Variants in ABCA13 observed in about 807,000 individuals in gnomAD.
ABCA13 encodes the protein ATP-binding cassette sub-family A member 13.
ABCA13 carries 476 observed loss-of-function variants against 478.7 expected under a neutral mutation model. The ratio of observed to expected loss-of-function variants is 0.99; its 90% CI spans 0.92 to 1.07. The LOEUF is 1.07. Among genes scored for constraint, ABCA13 ranks in the 50% least tolerant of loss-of-function variants. ABCA13 has a pLI of 0.00. For synonymous variants in ABCA13, 2,252 were observed against 2,158.9 expected (o/e 1.04, Z -1.20); for missense variants, 6,060 against 5,910.6 (o/e 1.03, Z -0.83).
chr7:48,375,257 A>G (rs1466502352), intron 34 of ABCA13, among the ~76,000 whole-genome samples: 1 of 152,180 alleles, frequency 6.6e-6, no homozygotes, highest in Non-Finnish European at 1.5e-5. Flanking sequence ...GGTCCCTGGT[A>G]CCAAAAAGGT....
intron 42 of ABCA13, among the ~76,000 whole-genome samples, chr7:48,444,536 G>C (rs932766977): frequency 3.3e-5 from 5 of 152,150 alleles, no homozygotes; most frequent in South Asian, 2.1e-4. Flanking sequence ...TTTCCCCTGA[G>C]TACTTGTCTT....
intron 24 of ABCA13, among the ~76,000 whole-genome samples, chr7:48,312,497 A>G (rs1025837841): frequency 6.6e-5 from 10 of 152,226 alleles, no homozygotes; most frequent in African/African-American, 2.4e-4. Flanking sequence ...TGATAGCATA[A>G]GTAAGCTTCA....
intron 8 of ABCA13, chr7:48,234,371 A>T: frequency 1.7e-6 from 1 of 599,166 alleles, no homozygotes. Flanking sequence ...CCAGAATGGA[A>T]AGGCAGCTTA....
intron 45 of ABCA13, among the ~76,000 whole-genome samples, chr7:48,478,127 T>C (rs983678831): frequency 6.6e-6 from 1 of 150,466 alleles, no homozygotes; most frequent in African/African-American, 2.4e-5. Flanking sequence ...TTATTTTAAT[T>C]GAGAAGCAGA....
intron 40 of ABCA13, among the ~76,000 whole-genome samples, chr7:48,412,045 A>G (rs1311807536): frequency 6.6e-6 from 1 of 152,096 alleles, no homozygotes; most frequent in Non-Finnish European, 1.5e-5. Flanking sequence ...CTCCCAGTGG[A>G]CGGGGGGCAC....
Position 48,241,029 on chromosome 7 carries a change from G to A in ABCA13, c.1225G>A (p.Ala409Thr). Reference sequence around the variant, plus strand: ...GCTCCTGCTGAATGACAGCTTGTCAGCAGATGGCCCAAAAGATAATCATAC... The same window carrying A: ...GCTCCTGCTGAATGACAGCTTGTCAACAGATGGCCCAAAAGATAATCATAC... ...ALLLLNDSLS[A>T]DGPKDNHTFP... is the part of the protein sequence containing the mutation. Residue 409 changes from alanine (A) to threonine (T), a missense_variant, in exon 10 of 62, where the codon GCA becomes ACA. Around this residue, in one of 3 missense-constraint regions of ABCA13, gnomAD observed 4,423 missense variants for 4,309.1 expected, o/e 1.03. Transcript: ENST00000435803. 1 of 1,614,026 alleles carries A rather than the reference G, an allele frequency of 6.2e-7. No individual in the cohort carries two copies. The highest frequency in any genetic ancestry group is 8.5e-7 in the Non-Finnish European group (1 of 1,179,894).
At chr7:48,361,179 C>T (rs551817362) in intron 31 of ABCA13, among the ~76,000 whole-genome samples, 4 of 151,716 alleles carry the variant, frequency 2.6e-5, no homozygotes, top group South Asian at 2.1e-4. Context: ...CTGCAAGGGA[C>T]GAGAATCACA....
At chr7:48,616,151 A>G (rs1792547369) in intron 59 of ABCA13, among the ~76,000 whole-genome samples, 1 of 152,134 alleles carries the variant, frequency 6.6e-6, no homozygotes, top group Non-Finnish European at 1.5e-5. Context: ...TAAGGTTAGG[A>G]TTCTCAAGCA....
chr7:48,223,678 C>T lies in ABCA13; in HGVS notation c.468+2369C>T, dbSNP rs574956863. ...GGTTTAAAAGAGAGTGGGGGCACTC[C>T]GGGCTCAGTGGCTCATGCCTGTAAC... On this transcript the variant is annotated intron_variant, in intron 5 of 61. Transcript: ENST00000435803. 1.2e-4 allele frequency among the ~76,000 whole-genome samples: 18 copies of T among 152,046 alleles called. No homozygotes were observed. The South Asian group carries it at 2.3e-3, about 19-fold the overall frequency.
intron 27 of ABCA13, among the ~76,000 whole-genome samples, chr7:48,325,019 G>T (rs1043560289): frequency 1.3e-5 from 2 of 152,062 alleles, no homozygotes; most frequent in African/African-American, 4.8e-5. Flanking sequence ...CTTCCCTTTG[G>T]TCACTAGAGA....
At chr7:48,570,499 T>G (rs1486171653) in intron 55 of ABCA13, among the ~76,000 whole-genome samples, 1 of 151,558 alleles carries the variant, frequency 6.6e-6, no homozygotes, top group Non-Finnish European at 1.5e-5. Flanking sequence ...CAATTTTTTG[T>G]TTTTTAGTAG....
At chr7:48,308,300 C>G (rs182512825) in intron 23 of ABCA13, among the ~76,000 whole-genome samples, 1 of 152,106 alleles carries the variant, frequency 6.6e-6, no homozygotes, top group East Asian at 1.9e-4. Context: ...GATAACAATG[C>G]CTTCTTCTGG....
At chr7:48,216,364 T>G (rs1202662301) in intron 3 of ABCA13, among the ~76,000 whole-genome samples, 2 of 152,230 alleles carry the variant, frequency 1.3e-5, no homozygotes, top group African/African-American at 2.4e-5. Context: ...AATCTTTTTA[T>G]GTAGTTTTTG....
intron 48 of ABCA13, among the ~76,000 whole-genome samples, chr7:48,495,927 C>G (rs1563350488): frequency 6.6e-6 from 1 of 152,072 alleles, no homozygotes; most frequent in Non-Finnish European, 1.5e-5. Flanking sequence ...CACTCCTTCT[C>G]TTTTTCTTTT....
At chr7:48,551,144 G>C (rs114179481) in intron 55 of ABCA13, among the ~76,000 whole-genome samples, 1 of 150,864 alleles carries the variant, frequency 6.6e-6, no homozygotes, top group Admixed American at 6.6e-5. Flanking sequence ...GTTTGTTTTT[G>C]TATTGTTCAT....
chr7:48,309,629 G>A (rs867425996), intron 23 of ABCA13, among the ~76,000 whole-genome samples: 5 of 152,230 alleles, frequency 3.3e-5, no homozygotes, highest in Non-Finnish European at 4.4e-5. Flanking sequence ...GGGTGGCATC[G>A]GAGGGTGGGG....
intron 29 of ABCA13, among the ~76,000 whole-genome samples, chr7:48,345,025 A>G (rs1201574690): frequency 2.0e-5 from 3 of 152,216 alleles, no homozygotes; most frequent in African/African-American, 7.2e-5. Context: ...ATTTTAGTCA[A>G]CATTGATCTG....
At chr7:48,311,494 T>A (rs925565401) in intron 24 of ABCA13, among the ~76,000 whole-genome samples, 2 of 152,160 alleles carry the variant, frequency 1.3e-5, no homozygotes, top group Admixed American at 1.3e-4. Flanking sequence ...AGAGCTCCCA[T>A]TGGCACGATG....
chr7:48,174,966 C>G (rs1437258666), intron 1 of ABCA13, among the ~76,000 whole-genome samples: 2 of 152,162 alleles, frequency 1.3e-5, no homozygotes, highest in African/African-American at 4.8e-5. Flanking sequence ...AAGGACACAC[C>G]TTCTCCTGGA....
Sources: gnomAD v4.1 joint callset for allele counts (sites outside exome capture counted in the v4.1 genomes callset) on GRCh38, gnomAD v4.1.1 for gene constraint, gnomAD v4.1.1 regional missense constraint, MANE v1.5 for transcripts, NCBI Gene and HGNC (gene_info 2026-07-23, HGNC 2026-07-21) for gene names.